OSBPL3: variants seen among roughly 807,000 people sequenced by gnomAD.
OSBPL3 encodes oxysterol-binding protein-related protein 3.
Under a neutral mutation model 120.1 loss-of-function variants are expected in OSBPL3, and 65 were observed. The ratio of observed to expected loss-of-function variants is 0.54; its 90% confidence interval spans 0.44 to 0.67. The LOEUF (loss-of-function observed/expected upper bound fraction) is 0.67, where lower values mean the gene tolerates loss of function less well. OSBPL3 is among the 30% of genes least tolerant of loss of function. The pLI, the probability that OSBPL3 is intolerant of heterozygous loss-of-function variation, is 0.00. For missense variants in OSBPL3, 1,004 were observed against 1,082.1 expected (o/e 0.93, Z 1.01); for synonymous variants, 416 against 402.6 (o/e 1.03, Z -0.40).
chr7:24,859,020 G>A (rs1448734232), intron 10 of OSBPL3, among the ~76,000 whole-genome samples: 1 of 152,156 alleles, frequency 6.6e-6, no homozygotes, highest in Non-Finnish European at 1.5e-5. Flanking sequence ...GATCCTTTAA[G>A]GGTGGGCCAG....
chr7:24,925,482 C>T (rs1190171145), intron 1 of OSBPL3, among the ~76,000 whole-genome samples: 1 of 152,320 alleles, frequency 6.6e-6, no homozygotes, highest in East Asian at 1.9e-4. Flanking sequence ...ATAATAAAAT[C>T]TGTCTTCCTT....
intron 22 of OSBPL3, among the ~76,000 whole-genome samples, chr7:24,801,008 C>T (rs56390544): frequency 0.085 from 12,751 of 149,230 alleles, 754 homozygotes; most frequent in Non-Finnish European, 0.13. Context: ...TTTGGGAGGC[C>T]GAAGCGGGCA....
rs574089034 is a variant in OSBPL3, at chr7:24,869,883, G to A, written c.381+849C>T. Among the ~76,000 whole-genome samples, 3 of 152,158 alleles carry A rather than the reference G, an allele frequency of 2.0e-5. No homozygotes were observed. In the South Asian group the frequency reaches 6.2e-4, roughly 32 times the overall value. On this transcript the variant is annotated intron_variant, in intron 5 of 22. Transcript: ENST00000313367. ...ATGCTTTGATTTTCCTAATCCTCAGGCCCCATTCCCAATATCTCAAGTAAT... is the reference window on the plus strand; with the variant it reads ...ATGCTTTGATTTTCCTAATCCTCAGACCCCATTCCCAATATCTCAAGTAAT...
At chr7:24,832,597 G>C (rs1447555147) in intron 15 of OSBPL3, among the ~76,000 whole-genome samples, 1 of 151,880 alleles carries the variant, frequency 6.6e-6, no homozygotes, top group African/African-American at 2.4e-5. Context: ...CTTGAAACCT[G>C]GGTGTCTGTT....
chr7:24,914,262 T>C (rs1459040261), intron 1 of OSBPL3, among the ~76,000 whole-genome samples: 1 of 151,696 alleles, frequency 6.6e-6, no homozygotes, highest in African/African-American at 2.4e-5. Context: ...GAGCCAGCCA[T>C]TGGACAGCAG....
rs1795275757 is a variant in OSBPL3, at chr7:24,822,829, C to T, written c.1885-2591G>A. On this transcript the variant is annotated intron_variant, in intron 16 of 22. Coordinates refer to ENST00000313367, the MANE Select transcript of OSBPL3 (RefSeq NM_015550.4). The surrounding 1 kb of genome is among the most constrained non-coding windows in gnomAD (Gnocchi z 5.8). ...AAAACCCAACCTTGATTTTTTTAAA[C>T]TATTGTGTTAGATAATGAATGAATG... 6.6e-6 allele frequency among the ~76,000 whole-genome samples: 1 copy of T among 152,104 alleles called. No individual in the cohort carries two copies.
chr7:24,923,589 A>G (rs796775643), intron 1 of OSBPL3, among the ~76,000 whole-genome samples: 28 of 152,056 alleles, frequency 1.8e-4, no homozygotes, highest in African/African-American at 6.8e-4. Flanking sequence ...AGAGACTAAA[A>G]GATAAGAGAG....
chr7:24,931,790 G>A (rs1425312649), intron 1 of OSBPL3, among the ~76,000 whole-genome samples: 8 of 152,078 alleles, frequency 5.3e-5, no homozygotes, highest in African/African-American at 1.9e-4. Flanking sequence ...AGGAAATAAA[G>A]AGAAGTATGA....
chr7:24,981,186 G>A (rs1219842444), upstream of OSBPL3, among the ~76,000 whole-genome samples: 1 of 152,204 alleles, frequency 6.6e-6, no homozygotes, highest in Non-Finnish European at 1.5e-5. The surrounding 1 kb of genome is among the most constrained non-coding windows in gnomAD (Gnocchi z 7.3). Context: ...CTGACAGACT[G>A]TTAGTACTGA....
rs116201636 is a variant in OSBPL3, at chr7:24,959,038, G to T, written c.-150+20848C>A. Among the ~76,000 whole-genome samples, 163 of 152,246 alleles carry T rather than the reference G, an allele frequency of 1.1e-3. 4 individuals are homozygous for T. Among genetic ancestry groups the T allele is most frequent in the African/African-American group, 3.2e-3 (131 of 41,544 alleles). ...CTTTTCTATAATCCATGAATTGTAAGTTTTAAACATTCACTAGAATGGCTA... is the reference window on the plus strand; with the variant it reads ...CTTTTCTATAATCCATGAATTGTAATTTTTAAACATTCACTAGAATGGCTA... On this transcript the variant is annotated intron_variant, in intron 1 of 22. Coordinates refer to ENST00000313367, the MANE Select transcript of OSBPL3 (RefSeq NM_015550.4). The surrounding 1 kb of genome is among the most constrained non-coding windows in gnomAD (Gnocchi z 4.3).
intron 12 of OSBPL3, among the ~76,000 whole-genome samples, chr7:24,846,226 C>T (rs1365297374): frequency 6.6e-6 from 1 of 152,130 alleles, no homozygotes; most frequent in Non-Finnish European, 1.5e-5. Flanking sequence ...GCTTGGCATA[C>T]CGTTCTTCAT....
chr7:24,960,920 C>T (rs906298001), intron 1 of OSBPL3, among the ~76,000 whole-genome samples: 1 of 152,174 alleles, frequency 6.6e-6, no homozygotes, highest in African/African-American at 2.4e-5. Flanking sequence ...CTTACCTTGC[C>T]CACCTTCGGG....
rs1165561945 is a variant in OSBPL3, at chr7:24,824,340, A to G, written c.1885-4102T>C. Reference sequence around the variant, plus strand: ...AATTTATGCTTTGAATGCACTTTATATAAGAGGTCAGGGGAGAAGCAGATA... The same window carrying G: ...AATTTATGCTTTGAATGCACTTTATGTAAGAGGTCAGGGGAGAAGCAGATA... On this transcript the variant is annotated intron_variant, in intron 16 of 22. Coordinates refer to ENST00000313367, the MANE Select transcript of OSBPL3 (RefSeq NM_015550.4). The surrounding 1 kb of genome is among the most constrained non-coding windows in gnomAD (Gnocchi z 4.9). Among the ~76,000 whole-genome samples the G allele has an allele frequency of 4.6e-5, 7 of 152,198 alleles. No individual in the cohort carries two copies. The highest frequency in any genetic ancestry group is 4.6e-4 in the Admixed American group (7 of 15,278).
rs905871684 is a variant in OSBPL3 at position 24,830,846 on chromosome 7, G to A, written c.1806C>T (p.Ser602=). 6.2e-7 allele frequency: 1 copy of A among 1,613,952 alleles called. No homozygotes were observed. The change falls in exon 16 of 23, where the codon AGC becomes AGT. Residue 602 remains serine (S), a synonymous_variant. Transcript: ENST00000313367. The surrounding 1 kb of genome is among the most constrained non-coding windows in gnomAD (Gnocchi z 4.4). The stretch of plus-strand genomic sequence containing the variant: ...CTCCAAGAACCGGATTAAATGGCTT[G>A]CTTCCAGCTCGGTAGTAGCTAGATG... The part of the protein sequence containing the change: ...AYASSYYRAG[S]KPFNPVLGET...
chr7:24,857,747 T>C (rs894112384), intron 10 of OSBPL3, among the ~76,000 whole-genome samples: 1 of 152,170 alleles, frequency 6.6e-6, no homozygotes, highest in African/African-American at 2.4e-5. Context: ...GGGGGGAAGA[T>C]TCCCAAATAA....
At position 24,872,200 on chromosome 7, in the gene OSBPL3, C is replaced by A; in HGVS notation, c.97-131G>T. On this transcript the variant is annotated intron_variant, in intron 2 of 22. Coordinates refer to ENST00000313367, the MANE Select transcript of OSBPL3 (RefSeq NM_015550.4). This position sits in a 1 kb window ranked among gnomAD's most constrained non-coding sequence, Gnocchi z 4.1. ...GCTGGGTTTGTTGGGGAGAAGAAAT[C>A]CAAATTTAATTTCCATACAGTCCCT... is the stretch of plus-strand genomic sequence containing the variant. 1 of 659,966 alleles carries A rather than the reference C, an allele frequency of 1.5e-6. No homozygotes were observed. Among genetic ancestry groups the A allele is most frequent in the South Asian group, 1.9e-5 (1 of 53,580 alleles). The allele number at this position is 659,966 out of a possible 1,614,324, so 40.9% of individuals were successfully genotyped here.
chr7:24,828,617 AAAAAG>A lies in OSBPL3; in HGVS notation c.1884+2146_1884+2150del, dbSNP rs1402154827. ...GTGAGACTCTGTCTGAAAAAAAAAA[AAAAAG>A]AAAAAAAAAAAAAAGGCATCGTAGA... On this transcript the variant is annotated intron_variant, in intron 16 of 22. Transcript: ENST00000313367. Among the ~76,000 whole-genome samples the A allele has an allele frequency of 2.3e-3, 291 of 126,684 alleles. 3 individuals carry two copies. Among genetic ancestry groups the A allele is most frequent in the Non-Finnish European group, 3.5e-3 (228 of 64,890 alleles). The allele number at this position is 126,684 out of a possible 152,430, so 83.1% of individuals were successfully genotyped here.
chr7:24,895,316 T>C (rs984199834), intron 1 of OSBPL3, among the ~76,000 whole-genome samples: 1 of 152,206 alleles, frequency 6.6e-6, no homozygotes, highest in East Asian at 1.9e-4. Flanking sequence ...AGTCCTTACA[T>C]TGTGTTACTG....
Position 24,800,145 on chromosome 7 carries a change from G to A in OSBPL3, c.*38C>T, listed in dbSNP as rs1792117711. The stretch of plus-strand genomic sequence containing the variant: ...TGTGCCACTTCAGAAGGCAAGCACA[G>A]GAGAAATACACTAATGTTATCTTTC... On this transcript the variant is annotated 3_prime_UTR_variant, in exon 23 of 23. Coordinates refer to ENST00000313367, the MANE Select transcript of OSBPL3 (RefSeq NM_015550.4). The A allele has an allele frequency of 8.4e-7, 1 of 1,184,674 alleles. No homozygotes were observed. Among genetic ancestry groups the A allele is most frequent in the South Asian group, 1.2e-5 (1 of 81,890 alleles). The allele number at this position is 1,184,674 out of a possible 1,614,324, so 73.4% of individuals were successfully genotyped here. A position where few individuals can be genotyped will look rare whatever the true frequency, so the allele number is the denominator to read the frequency against.
Sources: allele counts gnomAD v4.1 joint callset (sites outside exome capture counted in the v4.1 genomes callset), GRCh38; gene constraint gnomAD v4.1.1; non-coding constraint Gnocchi (gnomAD v3.1); transcripts MANE v1.5; gene names NCBI Gene and HGNC (gene_info 2026-07-23, HGNC 2026-07-21).